The following SEMA3A variants were observed in gnomAD, a reference collection of about 807,000 sequenced individuals.
SEMA3A encodes the protein semaphorin 3A.
SEMA3A carries 29 observed loss-of-function variants against 97.9 expected under a neutral mutation model. The ratio of observed to expected loss-of-function variants is 0.30; its 90% confidence interval spans 0.22 to 0.40. SEMA3A has a LOEUF of 0.40. Ranked by LOEUF, SEMA3A falls within the 10% of genes least tolerant of loss-of-function variation. SEMA3A has a pLI of 1.00. For synonymous variants in SEMA3A, 321 were observed against 323.7 expected (o/e 0.99, Z 0.09); for missense variants, 763 against 951.3 (o/e 0.80, Z 2.60).
chr7:83,980,603 C>CAAAAAAAAAAAAA (rs749889921), intron 14 of SEMA3A, among the ~76,000 whole-genome samples: 1 of 53,966 alleles, frequency 1.9e-5, no homozygotes, highest in Non-Finnish European at 3.6e-5. Flanking sequence ...GACTCCATCT[C>CAAAAAAAAAAAAA]AAAAAAAAAA....
intron 6 of SEMA3A, among the ~76,000 whole-genome samples, chr7:84,023,318 G>A (rs1397572453): frequency 6.6e-6 from 1 of 152,128 alleles, no homozygotes; most frequent in Non-Finnish European, 1.5e-5. Flanking sequence ...ACCAGCATTT[G>A]GCTGGACCTA....
chr7:84,358,188 G>T (rs1370118041), intron 2 of SEMA3A, among the ~76,000 whole-genome samples: 2 of 152,148 alleles, frequency 1.3e-5, no homozygotes. Context: ...TGCTTTTGGT[G>T]CTTTAGACAT....
At chr7:84,280,355 T>G (rs1480096762) in intron 3 of SEMA3A, among the ~76,000 whole-genome samples, 1 of 152,204 alleles carries the variant, frequency 6.6e-6, no homozygotes, top group Non-Finnish European at 1.5e-5. Context: ...GGCAGGAAGC[T>G]TGTTGTAAAA....
chr7:84,265,996 TA>T (rs1799988891), intron 3 of SEMA3A, among the ~76,000 whole-genome samples: 1 of 152,056 alleles, frequency 6.6e-6, no homozygotes, highest in Non-Finnish European at 1.5e-5. Context: ...TTCCACGGAC[TA>T]TTTGGATAGG....
At chr7:84,135,331 G>A (rs1796093624) in intron 1 of SEMA3A, among the ~76,000 whole-genome samples, 2 of 151,790 alleles carry the variant, frequency 1.3e-5, no homozygotes, top group African/African-American at 4.8e-5. Flanking sequence ...GGCTGGCTTC[G>A]AACTCCTGAC....
At chr7:84,386,027 A>G (rs1009898314) in intron 1 of SEMA3A, among the ~76,000 whole-genome samples, 1 of 152,196 alleles carries the variant, frequency 6.6e-6, no homozygotes, top group Non-Finnish European at 1.5e-5. Context: ...TGCTGCTCAC[A>G]TTATTCTAAG....
chr7:83,994,003 CTT>C (rs1345380558), intron 12 of SEMA3A, among the ~76,000 whole-genome samples: 1 of 140,554 alleles, frequency 7.1e-6, no homozygotes, highest in Non-Finnish European at 1.5e-5. Flanking sequence ...TTCTTGGAGG[CTT>C]TGCTCATTTC....
intron 4 of SEMA3A, among the ~76,000 whole-genome samples, chr7:84,109,105 T>C (rs1795206305): frequency 6.6e-6 from 1 of 151,860 alleles, no homozygotes; most frequent in Non-Finnish European, 1.5e-5. Context: ...TTAGGACAAC[T>C]GATGTATTAC....
chr7:84,454,416 C>T (rs1363568606), intron 1 of SEMA3A, among the ~76,000 whole-genome samples: 1 of 152,028 alleles, frequency 6.6e-6, no homozygotes, highest in Non-Finnish European at 1.5e-5. Context: ...ACTTTCTTTC[C>T]ACCTGTGTAT....
rs868001684 is a variant in SEMA3A at position 84,127,029 on chromosome 7, G to C, written c.333+2094C>G. Among the ~76,000 whole-genome samples, 22 of 146,694 alleles carry C rather than the reference G, an allele frequency of 1.5e-4. 1 individual carries two copies. Among genetic ancestry groups the C allele is most frequent in the African/African-American group, 5.5e-4 (22 of 39,930 alleles). On this transcript the variant is annotated intron_variant, in intron 3 of 16. Coordinates refer to ENST00000265362, the MANE Select transcript of SEMA3A (RefSeq NM_006080.3). Reference sequence around the variant, plus strand: ...TAGAAGAACACACTTTTTTTTTTTTGATCCACTGTTACATAACCAGAAAAA... The same window carrying C: ...TAGAAGAACACACTTTTTTTTTTTTCATCCACTGTTACATAACCAGAAAAA...
intron 2 of SEMA3A, among the ~76,000 whole-genome samples, chr7:84,313,749 G>A (rs1801424971): frequency 6.6e-6 from 1 of 151,876 alleles, no homozygotes; most frequent in Non-Finnish European, 1.5e-5. Context: ...CATAGGAAGA[G>A]TAAAATTGTA....
chr7:84,083,334 T>C (rs1794224693), intron 4 of SEMA3A, among the ~76,000 whole-genome samples: 1 of 151,968 alleles, frequency 6.6e-6, no homozygotes, highest in Non-Finnish European at 1.5e-5. Flanking sequence ...ATAATAGTTG[T>C]ACACATTGTG....
Position 84,296,039 on chromosome 7 carries a change from A to G in SEMA3A, c.-83+11168T>C, listed in dbSNP as rs1800861862. ...GCTTATTTAATCACACAATCAAGTTACTAATTGAGCAACTACAAGAGATAA... is the reference window on the plus strand; with the variant it reads ...GCTTATTTAATCACACAATCAAGTTGCTAATTGAGCAACTACAAGAGATAA... On this transcript the variant is annotated intron_variant, in intron 3 of 3. Coordinates refer to the SEMA3A transcript ENST00000424555. Among the ~76,000 whole-genome samples, 2 of 152,188 alleles carry G rather than the reference A, an allele frequency of 1.3e-5. 1 individual carries two copies. The highest frequency in any genetic ancestry group is 4.1e-4 in the South Asian group (2 of 4,834).
intron 2 of SEMA3A, among the ~76,000 whole-genome samples, chr7:84,370,222 T>G (rs1802941698): frequency 6.6e-6 from 1 of 151,544 alleles, no homozygotes; most frequent in Non-Finnish European, 1.5e-5. Context: ...AGGCATAAAC[T>G]GATAAAAGAA....
At chr7:84,453,472 G>A (rs919216164) in intron 1 of SEMA3A, among the ~76,000 whole-genome samples, 17 of 152,070 alleles carry the variant, frequency 1.1e-4, no homozygotes, top group Middle Eastern at 3.4e-3. Flanking sequence ...TCCTGACCTC[G>A]TGATCCGCCC....
At chr7:84,331,007 C>T (rs1000554710) in intron 2 of SEMA3A, among the ~76,000 whole-genome samples, 1 of 152,082 alleles carries the variant, frequency 6.6e-6, no homozygotes, top group African/African-American at 2.4e-5. Context: ...TTTTATAGAT[C>T]AAAGTCAGTA....
chr7:84,187,405 A>G (rs1797919894), intron 1 of SEMA3A, among the ~76,000 whole-genome samples: 1 of 152,178 alleles, frequency 6.6e-6, no homozygotes, highest in South Asian at 2.1e-4. Flanking sequence ...GTTTTTGTCC[A>G]AAGGAATGCA....
intron 1 of SEMA3A, among the ~76,000 whole-genome samples, chr7:84,424,817 T>G (rs1804734356): frequency 9.9e-6 from 1 of 100,966 alleles, no homozygotes; most frequent in Non-Finnish European, 1.7e-5. Flanking sequence ...TATACATATA[T>G]AATATAATGA....
In SEMA3A at chr7:83,960,037, TACAAATAA is replaced by T. The variant is rs1478955352; in HGVS notation, c.*1326_*1333del. 6.6e-6 allele frequency: 1 copy of T among 152,120 alleles called. No individual in the cohort carries two copies. The highest frequency in any genetic ancestry group is 2.4e-5 in the African/African-American group (1 of 41,464). The allele number at this position is 152,120 out of a possible 1,614,324, so 9.4% of individuals were successfully genotyped here. A position where few individuals can be genotyped will look rare whatever the true frequency, so the allele number is the denominator to read the frequency against. On this transcript the variant is annotated 3_prime_UTR_variant, in exon 17 of 17. Coordinates refer to ENST00000265362, the MANE Select transcript of SEMA3A (RefSeq NM_006080.3). ...TATGAAAAGAGTCATGTGTTTCTTG[TACAAATAA>T]TTGTCTTAAATAAGGAAAGGTAAGA...
Sources: allele counts gnomAD v4.1 joint callset (sites outside exome capture counted in the v4.1 genomes callset), GRCh38; gene constraint gnomAD v4.1.1; transcripts MANE v1.5; gene names NCBI Gene and HGNC (gene_info 2026-07-23, HGNC 2026-07-21).